PCDHGA5: variants seen among roughly 807,000 people sequenced by gnomAD.
PCDHGA5 encodes the protein protocadherin gamma subfamily A, 5, also known as protocadherin gamma-A5.
Under a neutral mutation model 56.7 loss-of-function variants are expected in PCDHGA5, and 36 were observed. The observed-to-expected ratio is 0.64, with a 90% confidence interval of 0.49 to 0.84. The LOEUF (loss-of-function observed/expected upper bound fraction) is 0.84, where lower values mean the gene tolerates loss of function less well. Ranked by LOEUF, PCDHGA5 falls within the 40% of genes least tolerant of loss-of-function variation. The pLI is 0.00. For synonymous variants in PCDHGA5, 563 were observed against 520.2 expected, an observed-to-expected ratio of 1.08 and a Z score of -1.12; for missense variants, 1,305 against 1,201.5, an observed-to-expected ratio of 1.09 and a Z score of -1.27.
chr5:141,414,311 ACT>A (rs1421551588), intron 1 of PCDHGA5: 5 of 1,613,710 alleles, frequency 3.1e-6, no homozygotes, highest in Non-Finnish European at 4.2e-6. Flanking sequence ...CATGATTTAG[ACT>A]CTGAGCAGAA....
chr5:141,399,525 C>T (rs1170362164), intron 1 of PCDHGA5: 1 of 1,614,058 alleles, frequency 6.2e-7, no homozygotes, highest in East Asian at 2.2e-5. Flanking sequence ...CTGGGGCCTC[C>T]ATCGCGCAAG....
At chr5:141,388,083 C>G in intron 1 of PCDHGA5, 9 of 1,358,266 alleles carry the variant, frequency 6.6e-6, no homozygotes, top group Non-Finnish European at 9.1e-6. Context: ...TCGAAAACTG[C>G]GCGTCAGTTC....
At chr5:141,417,787 T>C in intron 1 of PCDHGA5, 1 of 1,477,124 alleles carries the variant, frequency 6.8e-7, no homozygotes, top group Non-Finnish European at 9.0e-7. Flanking sequence ...CTGGGCCGAA[T>C]GCTCTTTTAG....
Position 141,475,143 on chromosome 5 carries a change from T to TC in PCDHGA5, c.2422-19662dup, listed in dbSNP as rs372338581. On this transcript the variant is annotated intron_variant, in intron 1 of 3. Transcript: ENST00000518069. ...GGCTTTTTTTCTTTTTGAAATCTTC[T>TC]CCGTCTTCTTCTTCATTAGCAGTGC... Among the ~76,000 whole-genome samples the TC allele has an allele frequency of 4.9e-3, 751 of 152,356 alleles. 5 individuals carry two copies. Among genetic ancestry groups the TC allele is most frequent in the Non-Finnish European group, 6.5e-3 (439 of 68,034 alleles).
At chr5:141,464,923 A>G (rs544281066) in intron 1 of PCDHGA5, among the ~76,000 whole-genome samples, 3 of 151,406 alleles carry the variant, frequency 2.0e-5, no homozygotes, top group Non-Finnish European at 4.4e-5. Flanking sequence ...ATTTTTTTGT[A>G]GAGATGTGAG....
At chr5:141,427,693 C>G in intron 1 of PCDHGA5, 1 of 909,726 alleles carries the variant, frequency 1.1e-6, no homozygotes, top group Non-Finnish European at 1.8e-6. Flanking sequence ...GCCTCCATCC[C>G]ACAAGTCAGC....
rs552257647 is a variant in PCDHGA5 at position 141,389,615 on chromosome 5, G to T, written c.2421+22864G>T. The T allele has an allele frequency of 4.3e-6, 7 of 1,612,854 alleles. No homozygotes were observed. In the African/African-American group the frequency reaches 8.0e-5, roughly 18 times the overall value. On this transcript the variant is annotated intron_variant, in intron 1 of 3. Transcript: ENST00000518069. The stretch of plus-strand genomic sequence containing the variant: ...GCTCTGCGCTCTTCGATATGGTGCC[G>T]CACGCTGCAGAGCCTGGCTACTTGG...
chr5:141,424,519 A>T (rs1216899186), intron 1 of PCDHGA5: 1 of 152,222 alleles, frequency 6.6e-6, no homozygotes, highest in African/African-American at 2.4e-5. Context: ...TTAATGTAGT[A>T]AATCCATATA....
In PCDHGA5 at chr5:141,490,801, A is replaced by G; in HGVS notation, c.2422-4006A>G. On this transcript the variant is annotated intron_variant, in intron 1 of 3. Transcript: ENST00000518069. The surrounding 1 kb of genome is among the most constrained non-coding windows in gnomAD (Gnocchi z 5.4). ...GGATGGACGGATCTTTGCCCAGCGT[A>G]CCTTTGACTATGAATTGCTGCAGAT... The G allele has an allele frequency of 6.2e-7, 1 of 1,613,854 alleles. No homozygotes were observed. Among genetic ancestry groups the G allele is most frequent in the African/African-American group, 1.3e-5 (1 of 75,042 alleles).
At chr5:141,371,579 T>C in intron 1 of PCDHGA5, 2 of 1,613,852 alleles carry the variant, frequency 1.2e-6, no homozygotes, top group Non-Finnish European at 1.7e-6. Context: ...TTAAAATCGT[T>C]CAAGATACCA....
intron 1 of PCDHGA5, chr5:141,409,423 T>G: frequency 6.2e-7 from 1 of 1,614,026 alleles, no homozygotes; most frequent in Non-Finnish European, 8.5e-7. Context: ...TGGTGACAGA[T>G]GGAGCCCTGG....
intron 1 of PCDHGA5, chr5:141,414,744 C>T (rs1381345965): frequency 6.2e-7 from 1 of 1,614,210 alleles, no homozygotes; most frequent in Non-Finnish European, 8.5e-7. Context: ...CACTCAGATC[C>T]TTCGACTATG....
chr5:141,499,996 C>A (rs1246090346), intron 2 of PCDHGA5, among the ~76,000 whole-genome samples: 2 of 151,572 alleles, frequency 1.3e-5, no homozygotes, highest in Non-Finnish European at 2.9e-5. Flanking sequence ...CCAGATGATT[C>A]TTTCATAAGG....
intron 1 of PCDHGA5, chr5:141,400,265 G>T (rs2093992954): frequency 6.2e-7 from 1 of 1,613,876 alleles, no homozygotes. Context: ...CGCCTGCGAC[G>T]CTCCTCCAGC....
intron 1 of PCDHGA5, among the ~76,000 whole-genome samples, chr5:141,402,419 A>T: frequency 6.6e-6 from 1 of 152,100 alleles, no homozygotes; most frequent in Middle Eastern, 3.2e-3. Flanking sequence ...ACACAGAAAA[A>T]ATTGAAGCAT....
At chr5:141,404,176 A>C (rs763166170) in intron 1 of PCDHGA5, 2 of 1,613,206 alleles carry the variant, frequency 1.2e-6, no homozygotes, top group African/African-American at 2.7e-5. Context: ...TGACGGCCCA[A>C]ATTCTTGACC....
rs777925358 is a variant in PCDHGA5 at position 141,477,657 on chromosome 5, G to T, written c.2422-17150G>T. ...GTGGGTCGCTATTTCACAATAAATC[G>T]TGACAATGGCATAGTGTCATCCTTA... On this transcript the variant is annotated intron_variant, in intron 1 of 3. Transcript: ENST00000518069. This position sits in a 1 kb window ranked among gnomAD's most constrained non-coding sequence, Gnocchi z 4.9. 6.8e-6 allele frequency: 11 copies of T among 1,614,072 alleles called. No individual in the cohort carries two copies. Among genetic ancestry groups the T allele is most frequent in the South Asian group, 2.2e-5 (2 of 91,090 alleles).
At chr5:141,376,276 C>T (rs3749771) in intron 1 of PCDHGA5, 1 of 1,614,240 alleles carries the variant, frequency 6.2e-7, no homozygotes, top group Non-Finnish European at 8.5e-7. Context: ...CGGGAGGTGG[C>T]TTAGCGAGCA....
Position 141,485,715 on chromosome 5 carries a change from A to G in PCDHGA5, c.2422-9092A>G. The G allele has an allele frequency of 6.2e-7, 1 of 1,614,114 alleles. No homozygotes were observed. Among genetic ancestry groups the G allele is most frequent in the Non-Finnish European group, 8.5e-7 (1 of 1,180,012 alleles). On this transcript the variant is annotated intron_variant, in intron 1 of 3. Transcript: ENST00000518069. The surrounding 1 kb of genome is among the most constrained non-coding windows in gnomAD (Gnocchi z 5.7). ...AGCTCCAATGAACACTTTGCACTGGATGTGAAGAAGCGCAGCGACGGCAGC... is the reference window on the plus strand; with the variant it reads ...AGCTCCAATGAACACTTTGCACTGGGTGTGAAGAAGCGCAGCGACGGCAGC...
Sources: gnomAD v4.1 joint callset for allele counts (sites outside exome capture counted in the v4.1 genomes callset) on GRCh38, gnomAD v4.1.1 for gene constraint, Gnocchi (gnomAD v3.1) non-coding constraint, MANE v1.5 for transcripts, NCBI Gene and HGNC (gene_info 2026-07-23, HGNC 2026-07-21) for gene names.